The following CDK6 variants were observed in gnomAD, a reference collection of about 807,000 sequenced individuals.
CDK6 encodes the protein cyclin dependent kinase 6, also known as cyclin-dependent kinase 6.
A neutral mutation model predicts 37.1 loss-of-function variants in CDK6; 6 were observed. The ratio of observed to expected loss-of-function variants is 0.16; its 90% CI spans 0.09 to 0.32. The LOEUF (loss-of-function observed/expected upper bound fraction) is 0.32, where lower values mean the gene tolerates loss of function less well. Among genes scored for constraint, CDK6 ranks in the 10% least tolerant of loss-of-function variants. CDK6 has a pLI of 1.00. For missense variants in CDK6, 224 were observed against 418.9 expected, an observed-to-expected ratio of 0.53 and a Z score of 4.06; for synonymous variants, 160 against 161.3, an observed-to-expected ratio of 0.99 and a Z score of 0.06.
intron 4 of CDK6, among the ~76,000 whole-genome samples, chr7:92,684,521 G>A (rs536564208): frequency 6.6e-6 from 1 of 152,256 alleles, no homozygotes; most frequent in South Asian, 2.1e-4. Flanking sequence ...ACAGGAGCCA[G>A]AAGTCGGGCA....
At chr7:92,747,422 T>C (rs969655799) in intron 3 of CDK6, among the ~76,000 whole-genome samples, 9 of 152,124 alleles carry the variant, frequency 5.9e-5, no homozygotes, top group African/African-American at 2.2e-4. Flanking sequence ...AGCTGCCTAA[T>C]TTGAGTTTGA....
At position 92,774,750 on chromosome 7, in the gene CDK6, C is replaced by T. The variant is rs1245068523; in HGVS notation, c.315G>A (p.Leu105=). ...CTGGAACTTTATCCAAGTAAGTGGTCAAGTCTTGATCGACATGTTCAAACA... is the reference window on the plus strand; with the variant it reads ...CTGGAACTTTATCCAAGTAAGTGGTTAAGTCTTGATCGACATGTTCAAACA... ...TLVFEHVDQD[L]TTYLDKVPEP... Residue 105 remains leucine, a synonymous_variant, in exon 3 of 8, where the codon TTG becomes TTA. Transcript: ENST00000424848. 6.2e-7 allele frequency: 1 copy of T among 1,612,546 alleles called. No individual in the cohort carries two copies. Among genetic ancestry groups the T allele is most frequent in the Admixed American group, 1.7e-5 (1 of 59,762 alleles).
At chr7:92,747,175 G>A (rs1166457822) in intron 3 of CDK6, among the ~76,000 whole-genome samples, 1 of 152,074 alleles carries the variant, frequency 6.6e-6, no homozygotes, top group Non-Finnish European at 1.5e-5. Flanking sequence ...ACCTATTTCT[G>A]CTTTTCCTTT....
chr7:92,627,448 C>T (rs1351665476), intron 5 of CDK6, among the ~76,000 whole-genome samples: 1 of 151,954 alleles, frequency 6.6e-6, no homozygotes, highest in African/African-American at 2.4e-5. Context: ...TAAGAGAGAC[C>T]CTGGAAGGCT....
At chr7:92,692,908 G>A (rs932726115) in intron 4 of CDK6, among the ~76,000 whole-genome samples, 5 of 152,032 alleles carry the variant, frequency 3.3e-5, no homozygotes, top group African/African-American at 9.7e-5. Flanking sequence ...GATTTTCCTC[G>A]TGTAGAAGAA....
intron 6 of CDK6, 42 bp downstream of exon 6, chr7:92,622,994 T>TCACAGG (rs779344489): frequency 8.0e-7 from 1 of 1,243,140 alleles, no homozygotes; most frequent in East Asian, 2.5e-5. Flanking sequence ...GTAAATGTTT[T>TCACAGG]AATGCTATGG....
intron 5 of CDK6, among the ~76,000 whole-genome samples, chr7:92,649,287 A>G (rs935114282): frequency 1.7e-4 from 26 of 152,218 alleles, no homozygotes; most frequent in Non-Finnish European, 1.6e-4. Context: ...CAATTGTTAA[A>G]AAATGAAGAT....
intron 2 of CDK6, among the ~76,000 whole-genome samples, chr7:92,789,440 C>G (rs1024796347): frequency 6.6e-6 from 1 of 152,104 alleles, no homozygotes; most frequent in Non-Finnish European, 1.5e-5. Context: ...ATGCATAGGA[C>G]AGTAATTATA....
chr7:92,670,675 G>A (rs957833510), intron 5 of CDK6, among the ~76,000 whole-genome samples: 14 of 152,150 alleles, frequency 9.2e-5, no homozygotes, highest in Admixed American at 6.5e-4. Flanking sequence ...CTCTCTTAGA[G>A]GGAACTTAGA....
chr7:92,764,668 T>C (rs1799535897), intron 3 of CDK6, among the ~76,000 whole-genome samples: 1 of 152,222 alleles, frequency 6.6e-6, no homozygotes, highest in African/African-American at 2.4e-5. Flanking sequence ...TTATTCTACA[T>C]ACTGAAGACA....
At chr7:92,730,199 G>A (rs909981660) in intron 3 of CDK6, among the ~76,000 whole-genome samples, 5 of 152,288 alleles carry the variant, frequency 3.3e-5, no homozygotes, top group Admixed American at 2.6e-4. Flanking sequence ...CAAAGTTTTA[G>A]CACCAAAAAT....
intron 2 of CDK6, among the ~76,000 whole-genome samples, chr7:92,799,040 C>T (rs753630477): frequency 6.6e-5 from 10 of 152,104 alleles, no homozygotes; most frequent in Non-Finnish European, 1.3e-4. Context: ...CCCCTCCTGG[C>T]TCCTTCTAAT....
chr7:92,713,874 T>C (rs996542842), intron 4 of CDK6, among the ~76,000 whole-genome samples: 6 of 152,174 alleles, frequency 3.9e-5, no homozygotes, highest in African/African-American at 1.4e-4. Flanking sequence ...TCAAGATGGA[T>C]GCAGATACAA....
intron 4 of CDK6, among the ~76,000 whole-genome samples, chr7:92,672,176 CACACACAGACACAT>C (rs1797093351): frequency 6.7e-5 from 7 of 104,054 alleles, no homozygotes; most frequent in African/African-American, 2.4e-4. Context: ...TACACACACA[CACACACAGACACAT>C]ACACACACAC....
rs1171249836 is a variant in CDK6 at position 92,750,807 on chromosome 7, A to G, written c.369+23889T>C. 3.3e-5 allele frequency among the ~76,000 whole-genome samples: 5 copies of G among 152,296 alleles called. No individual in the cohort carries two copies. The East Asian group carries it at 9.6e-4, about 29-fold the overall frequency. On this transcript the variant is annotated intron_variant, in intron 3 of 7. Coordinates refer to ENST00000424848, the MANE Select transcript of CDK6 (RefSeq NM_001145306.2). ...TTTTTGCAAGCCTTTCTTTGGCTTA[A>G]TTCAGTTTTCGCAATATAAAAATTT... is the stretch of plus-strand genomic sequence containing the variant.
chr7:92,651,259 GGTAAGGTTCATAA>G (rs1796567607), intron 5 of CDK6, among the ~76,000 whole-genome samples: 1 of 152,132 alleles, frequency 6.6e-6, no homozygotes, highest in South Asian at 2.1e-4. Context: ...ATCTCCCTAT[GGTAAGGTTCATAA>G]CCTTAATTAC....
intron 4 of CDK6, among the ~76,000 whole-genome samples, chr7:92,708,062 G>GTAAT (rs1236576822): frequency 6.6e-6 from 1 of 152,060 alleles, no homozygotes; most frequent in Non-Finnish European, 1.5e-5. Flanking sequence ...GTGAATGAAG[G>GTAAT]TAATTAGCCC....
At position 92,612,561 on chromosome 7, in the gene CDK6, T is replaced by TCAGAGAG; in HGVS notation, c.*2572_*2578dup. On this transcript the variant is annotated 3_prime_UTR_variant, in exon 8 of 8. Transcript: ENST00000424848. ...AACTGGGGACAGATTTTTACAAAGT[T>TCAGAGAG]CAGAGAGGCTGAGATGCCCTTTCAT... 4.3e-6 allele frequency: 1 copy of TCAGAGAG among 233,116 alleles called. No homozygotes were observed. Among genetic ancestry groups the TCAGAGAG allele is most frequent in the Non-Finnish European group, 8.5e-6 (1 of 117,946 alleles). The allele number at this position is 233,116 out of a possible 1,614,324, so 14.4% of individuals were successfully genotyped here. A position where few individuals can be genotyped will look rare whatever the true frequency, so the allele number is the denominator to read the frequency against.
At chr7:92,629,021 C>T (rs564985631) in intron 5 of CDK6, among the ~76,000 whole-genome samples, 24 of 151,970 alleles carry the variant, frequency 1.6e-4, no homozygotes, top group African/African-American at 4.6e-4. Context: ...AGGGGAAAGA[C>T]GCACTTGAAG....
Sources: gnomAD v4.1 joint callset for allele counts (sites outside exome capture counted in the v4.1 genomes callset) on GRCh38, gnomAD v4.1.1 for gene constraint, MANE v1.5 for transcripts, NCBI Gene and HGNC (gene_info 2026-07-23, HGNC 2026-07-21) for gene names.